Variants in LINGO2 observed in about 807,000 individuals in gnomAD.
The protein encoded by LINGO2 is leucine-rich repeat and immunoglobulin-like domain-containing nogo receptor-interacting protein 2.
In LINGO2, 14 loss-of-function variants were observed where a neutral mutation model predicts 30.6. The ratio of observed to expected loss-of-function variants is 0.46; its 90% CI spans 0.30 to 0.72. The LOEUF is 0.72. Among genes scored for constraint, LINGO2 ranks in the 30% least tolerant of loss-of-function variants. The pLI is 0.07. For synonymous variants in LINGO2, 317 were observed against 288.5 expected (o/e 1.10, Z -1.00); for missense variants, 729 against 751.7 (o/e 0.97, Z 0.35).
the LINGO2 span, among the ~76,000 whole-genome samples, chr9:28,802,497 G>A: frequency 6.6e-6 from 1 of 151,552 alleles, no homozygotes; most frequent in Non-Finnish European, 1.5e-5. Context: ...TTTCTGCTTT[G>A]GCTTAATCTA....
chr9:29,021,681 A>AAGGAAGGAAGGAAGG, the LINGO2 span, among the ~76,000 whole-genome samples: 17 of 93,676 alleles, frequency 1.8e-4, no homozygotes, highest in South Asian at 4.4e-4. Context: ...GAAAGAAAAG[A>AAGGAAGGAAGGAAGG]AAGGAAGGAA....
chr9:29,173,575 A>C, the LINGO2 span, among the ~76,000 whole-genome samples: 1 of 152,124 alleles, frequency 6.6e-6, no homozygotes, highest in African/African-American at 2.4e-5. Flanking sequence ...TATTTCCAGC[A>C]ATTTCCACAA....
At chr9:28,380,318 G>T (rs1821300241) in intron 2 of LINGO2, among the ~76,000 whole-genome samples, 1 of 151,208 alleles carries the variant, frequency 6.6e-6, no homozygotes, top group Admixed American at 6.6e-5. Context: ...AAGGCCACCA[G>T]ACGCAAGCTA....
the LINGO2 span, among the ~76,000 whole-genome samples, chr9:28,770,136 G>T: frequency 6.6e-6 from 1 of 152,130 alleles, no homozygotes; most frequent in African/African-American, 2.4e-5. Flanking sequence ...AGCATGGGGT[G>T]CTGTCAGACA....
At chr9:28,739,057 AATG>A in the LINGO2 span, among the ~76,000 whole-genome samples, 3 of 151,982 alleles carry the variant, frequency 2.0e-5, no homozygotes, top group Non-Finnish European at 4.4e-5. Context: ...GGTTTTAAAA[AATG>A]ATGATTTATA....
chr9:28,954,863 T>G, the LINGO2 span, among the ~76,000 whole-genome samples: 1 of 152,108 alleles, frequency 6.6e-6, no homozygotes, highest in Admixed American at 6.6e-5. Context: ...ATCACTCTCG[T>G]GAGTTAGAAA....
chr9:28,179,609 ATATATACTATATATAGTAT>A (rs1828854647), intron 4 of LINGO2, among the ~76,000 whole-genome samples: 1 of 141,486 alleles, frequency 7.1e-6, no homozygotes, highest in Non-Finnish European at 1.5e-5. Context: ...ACTATAGTGT[ATATATACTATATATAGTAT>A]TTTATACTAT....
At chr9:28,628,509 T>C (rs1425542493) in intron 1 of LINGO2, among the ~76,000 whole-genome samples, 2 of 152,122 alleles carry the variant, frequency 1.3e-5, no homozygotes, top group Non-Finnish European at 2.9e-5. Context: ...TACTTTATAC[T>C]TTGCAAACTC....
chr9:28,167,038 C>G (rs1182111581), intron 4 of LINGO2, among the ~76,000 whole-genome samples: 1 of 152,010 alleles, frequency 6.6e-6, no homozygotes, highest in African/African-American at 2.4e-5. Context: ...TGGCATTTTT[C>G]CAGCCTGTAG....
the LINGO2 span, among the ~76,000 whole-genome samples, chr9:29,069,187 G>C: frequency 1.3e-5 from 2 of 151,822 alleles, no homozygotes; most frequent in East Asian, 1.9e-4. Flanking sequence ...ATCCAAAACA[G>C]GTTCTCCTAT....
chr9:28,825,232 G>C, the LINGO2 span, among the ~76,000 whole-genome samples: 16 of 152,078 alleles, frequency 1.1e-4, no homozygotes, highest in African/African-American at 3.9e-4. Flanking sequence ...TTCTCAAAAT[G>C]GGTAGATTTT....
chr9:28,703,488 T>C, the LINGO2 span, among the ~76,000 whole-genome samples: 1 of 152,048 alleles, frequency 6.6e-6, no homozygotes, highest in East Asian at 1.9e-4. Flanking sequence ...TATATAAATT[T>C]GTTAGGATGT....
At chr9:28,046,347 CTTG>C (rs1824421411) in intron 4 of LINGO2, among the ~76,000 whole-genome samples, 1 of 152,156 alleles carries the variant, frequency 6.6e-6, no homozygotes, top group African/African-American at 2.4e-5. Context: ...ATTTGCATGA[CTTG>C]TTAAGATTCA....
the LINGO2 span, among the ~76,000 whole-genome samples, chr9:28,946,291 A>G: frequency 6.6e-6 from 1 of 152,142 alleles, no homozygotes; most frequent in South Asian, 2.1e-4. Flanking sequence ...ATGTGCCCCT[A>G]CACAGAGAGA....
chr9:28,248,254 A>G (rs1822072981), intron 4 of LINGO2, among the ~76,000 whole-genome samples: 1 of 152,218 alleles, frequency 6.6e-6, no homozygotes, highest in South Asian at 2.1e-4. Flanking sequence ...GTACCTCTGC[A>G]CAGTGAAGTA....
intron 3 of LINGO2, among the ~76,000 whole-genome samples, chr9:28,363,786 T>C (rs553896563): frequency 1.3e-5 from 2 of 152,332 alleles, no homozygotes; most frequent in African/African-American, 4.8e-5. Flanking sequence ...GTGCATTAGA[T>C]GTCTTTGAGG....
chr9:28,454,331 C>CT (rs1564209116), intron 2 of LINGO2, among the ~76,000 whole-genome samples: 1 of 151,924 alleles, frequency 6.6e-6, no homozygotes. Flanking sequence ...AGCTGTGTCT[C>CT]TGTTACCTCT....
At chr9:28,267,212 G>GTGT (rs1436013871) in intron 4 of LINGO2, among the ~76,000 whole-genome samples, 1 of 151,852 alleles carries the variant, frequency 6.6e-6, no homozygotes, top group Admixed American at 6.6e-5. Flanking sequence ...CTCTCATTTT[G>GTGT]TGTTGTTGTT....
At chr9:28,454,162 A>G (rs1040667040) in intron 2 of LINGO2, among the ~76,000 whole-genome samples, 2 of 152,074 alleles carry the variant, frequency 1.3e-5, no homozygotes, top group African/African-American at 2.4e-5. Flanking sequence ...CTGTTAAGAC[A>G]TTAGTCATAC....
Sources: gnomAD v4.1 joint callset for allele counts (sites outside exome capture counted in the v4.1 genomes callset) on GRCh38, gnomAD v4.1.1 for gene constraint, MANE v1.5 for transcripts, NCBI Gene and HGNC (gene_info 2026-07-23, HGNC 2026-07-21) for gene names.